The following PTPRN2 variants were observed in gnomAD, a reference collection of about 807,000 sequenced individuals.
PTPRN2 encodes the protein protein tyrosine phosphatase receptor type N2.
PTPRN2 carries 74 observed loss-of-function variants against 118.8 expected under a neutral mutation model. That is an observed-to-expected ratio of 0.62 (90% CI 0.52 to 0.76). PTPRN2 has a LOEUF of 0.76. Ranked by LOEUF, PTPRN2 falls within the 30% of genes least tolerant of loss-of-function variation. PTPRN2 has a pLI of 0.00. For synonymous variants in PTPRN2, 641 were observed against 608.0 expected, an observed-to-expected ratio of 1.05 and a Z score of -0.80; for missense variants, 1,481 against 1,394.4, an observed-to-expected ratio of 1.06 and a Z score of -0.99.
chr7:157,943,919 G>A (rs1277287035), intron 11 of PTPRN2, among the ~76,000 whole-genome samples: 2 of 152,098 alleles, frequency 1.3e-5, no homozygotes, highest in African/African-American at 4.8e-5. Flanking sequence ...TATCTGTTTT[G>A]ACTCCCTATT....
chr7:158,546,670 G>T lies in PTPRN2; in HGVS notation c.112+40888C>A, dbSNP rs570145109. ...GTAGCAGGTGGGTGACTACAGAGGT[G>T]CTCTGAGGGTCTTAGGCAGAGCTGG... On this transcript the variant is annotated intron_variant, in intron 1 of 22. Coordinates refer to ENST00000389418, the MANE Select transcript of PTPRN2 (RefSeq NM_002847.5). This position sits in a 1 kb window ranked among gnomAD's most constrained non-coding sequence, Gnocchi z 5.0. Among the ~76,000 whole-genome samples, 1 of 152,198 alleles carries T rather than the reference G, an allele frequency of 6.6e-6. No homozygotes were observed. Among genetic ancestry groups the T allele is most frequent in the Admixed American group, 6.5e-5 (1 of 15,288 alleles).
At chr7:158,305,481 C>T (rs1801213125) in intron 3 of PTPRN2, among the ~76,000 whole-genome samples, 1 of 151,972 alleles carries the variant, frequency 6.6e-6, no homozygotes, top group African/African-American at 2.4e-5. Context: ...TGGGTATTCC[C>T]CAATTCCCAC....
At chr7:158,375,776 C>T (rs1277700529) in intron 2 of PTPRN2, among the ~76,000 whole-genome samples, 1 of 151,998 alleles carries the variant, frequency 6.6e-6, no homozygotes, top group Non-Finnish European at 1.5e-5. Context: ...AGAGAAGGAG[C>T]GTGTGAATGT....
Position 158,213,607 on chromosome 7 carries a change from GT to G in PTPRN2, c.278-8335del, listed in dbSNP as rs568133942. Among the ~76,000 whole-genome samples, 64 of 152,164 alleles carry G rather than the reference GT, an allele frequency of 4.2e-4. 1 individual carries two copies. In the South Asian group the frequency reaches 0.012, roughly 29 times the overall value. ...ATTAAATGTACTTAATAATAATCAA[GT>G]CTATCCCATTTGCCAAAGCAACTTA... On this transcript the variant is annotated intron_variant, in intron 3 of 22. Coordinates refer to ENST00000389418, the MANE Select transcript of PTPRN2 (RefSeq NM_002847.5).
At chr7:158,458,277 G>A (rs1733165) in intron 2 of PTPRN2, among the ~76,000 whole-genome samples, 85,529 of 151,970 alleles carry the variant, frequency 0.56, 24,282 homozygotes, top group Non-Finnish European at 0.57. Context: ...AGTGCACCAG[G>A]AAGTGGGCCG....
chr7:158,358,066 G>A (rs1442884645), intron 2 of PTPRN2, among the ~76,000 whole-genome samples: 1 of 152,180 alleles, frequency 6.6e-6, no homozygotes, highest in East Asian at 1.9e-4. Flanking sequence ...AGAATGGAAG[G>A]CCCAACTTTG....
intron 1 of PTPRN2, among the ~76,000 whole-genome samples, chr7:158,495,506 C>T (rs1427948818): frequency 6.6e-6 from 1 of 152,092 alleles, no homozygotes; most frequent in Non-Finnish European, 1.5e-5. Flanking sequence ...AAGAGTGAAG[C>T]GCCTGCCTGC....
rs185652894 is a variant in PTPRN2, at chr7:157,576,492, C to A, written c.2783+121G>T. On this transcript the variant is annotated intron_variant, in intron 19 of 22. Transcript: ENST00000389418. Reference sequence around the variant, plus strand: ...GCCTCTCGCTTCCCTTCCCCTCCCCCCTGCGGCGCCGACACAGACGCGGCC... The same window carrying A: ...GCCTCTCGCTTCCCTTCCCCTCCCCACTGCGGCGCCGACACAGACGCGGCC... 49 of 1,072,208 alleles carry A rather than the reference C, an allele frequency of 4.6e-5. No individual in the cohort carries two copies. The Admixed American group carries it at 4.6e-4, about 10-fold the overall frequency. The allele number at this position is 1,072,208 out of a possible 1,614,324, so 66.4% of individuals were successfully genotyped here. A position where few individuals can be genotyped will look rare whatever the true frequency, so the allele number is the denominator to read the frequency against.
rs549423748 is a variant in PTPRN2, at chr7:158,271,510, A to G, written c.277+45309T>C. Among the ~76,000 whole-genome samples the G allele has an allele frequency of 1.2e-3, 182 of 152,284 alleles. 2 individuals are homozygous for G. The highest frequency in any genetic ancestry group is 3.4e-3 in the Middle Eastern group (1 of 294). ...GGGACTCTCAGCAGAGTCCACATGC[A>G]CGGGACGGGGGCAACACAGCCAAGC... On this transcript the variant is annotated intron_variant, in intron 3 of 22. Coordinates refer to ENST00000389418, the MANE Select transcript of PTPRN2 (RefSeq NM_002847.5).
At chr7:157,966,654 A>ACATCTTCATCACCATCAT (rs1801956499) in intron 11 of PTPRN2, among the ~76,000 whole-genome samples, 1 of 150,020 alleles carries the variant, frequency 6.7e-6, no homozygotes, top group Non-Finnish European at 1.5e-5. Flanking sequence ...ATCACCATCA[A>ACATCTTCATCACCATCAT]CATCTTCATC....
rs149156440 is a variant in PTPRN2, at chr7:157,881,268, G to C, written c.1788+17405C>G. ...GTCATGATGGTATGTGGAGATGGGG[G>C]TGTTTACAGGAGTCATTACAGTAAA... On this transcript the variant is annotated intron_variant, in intron 12 of 22. Transcript: ENST00000389418. This position sits in a 1 kb window ranked among gnomAD's most constrained non-coding sequence, Gnocchi z 4.7. 3.3e-5 allele frequency among the ~76,000 whole-genome samples: 5 copies of C among 152,130 alleles called. No individual in the cohort carries two copies. Among genetic ancestry groups the C allele is most frequent in the Non-Finnish European group, 7.4e-5 (5 of 67,974 alleles).
rs76051464 is a variant in PTPRN2, at chr7:157,719,702, C to T, written c.1789-36765G>A. On this transcript the variant is annotated intron_variant, in intron 12 of 22. Coordinates refer to ENST00000389418, the MANE Select transcript of PTPRN2 (RefSeq NM_002847.5). ...TGTATGCCGGGGGAGTGGGCTCGGC[C>T]CGCGGGACAAGGCTGAAAGAGCTCC... Among the ~76,000 whole-genome samples the T allele has an allele frequency of 5.2e-3, 788 of 152,300 alleles. 17 individuals are homozygous for T. Among genetic ancestry groups the T allele is most frequent in the East Asian group, 0.047 (244 of 5,170 alleles).
chr7:157,772,715 C>T (rs753078165), intron 12 of PTPRN2, among the ~76,000 whole-genome samples: 19 of 152,344 alleles, frequency 1.2e-4, no homozygotes, highest in Non-Finnish European at 2.4e-4. Flanking sequence ...GTCTCTTGGC[C>T]GGGTCTGGGG....
chr7:157,886,440 G>T (rs1438929857), intron 12 of PTPRN2, among the ~76,000 whole-genome samples: 1 of 152,174 alleles, frequency 6.6e-6, no homozygotes, highest in African/African-American at 2.4e-5. Context: ...CATCTTATGT[G>T]ACTATTTACT....
intron 19 of PTPRN2, among the ~76,000 whole-genome samples, chr7:157,574,609 C>A (rs545862634): frequency 6.6e-6 from 1 of 152,318 alleles, no homozygotes; most frequent in South Asian, 2.1e-4. Context: ...TAAATGCGCT[C>A]CCTCTGGGCT....
chr7:157,775,921 T>A (rs1563095711), intron 12 of PTPRN2, among the ~76,000 whole-genome samples: 1 of 152,030 alleles, frequency 6.6e-6, no homozygotes, highest in African/African-American at 2.4e-5. Context: ...ATAGGGATGG[T>A]CAGTGAGGAG....
chr7:157,865,921 C>G (rs750690572), intron 12 of PTPRN2: 5 of 152,316 alleles, frequency 3.3e-5, no homozygotes, highest in African/African-American at 7.2e-5. Flanking sequence ...CCCCAGCAGC[C>G]AGCACACCCT....
chr7:158,582,796 C>CAAAAAAAA (rs1156687117), intron 1 of PTPRN2, among the ~76,000 whole-genome samples: 8 of 44,304 alleles, frequency 1.8e-4, no homozygotes, highest in Admixed American at 6.4e-4. Flanking sequence ...GACTCCATCT[C>CAAAAAAAA]AAAAAAAAAA....
chr7:157,753,215 C>T (rs979759695), intron 12 of PTPRN2, among the ~76,000 whole-genome samples: 1 of 152,224 alleles, frequency 6.6e-6, no homozygotes, highest in Non-Finnish European at 1.5e-5. Context: ...CTTCTGTCCC[C>T]CGGGCAGTGC....
Sources: allele counts gnomAD v4.1 joint callset (sites outside exome capture counted in the v4.1 genomes callset), GRCh38; gene constraint gnomAD v4.1.1; non-coding constraint Gnocchi (gnomAD v3.1); transcripts MANE v1.5; gene names NCBI Gene and HGNC (gene_info 2026-07-23, HGNC 2026-07-21).